Variants in SMAD6 observed in about 807,000 individuals in gnomAD.
SMAD6 encodes the protein MAD homolog 6.
In SMAD6, 103 loss-of-function variants were observed where a neutral mutation model predicts 39.4. The observed-to-expected ratio is 2.62, with a 90% CI of 2.23 to 3.08. The LOEUF is 3.08. Among genes scored for constraint, SMAD6 ranks in the 30% most tolerant of loss-of-function variants. The pLI is 0.00. For synonymous variants in SMAD6, 445 were observed against 353.3 expected, an observed-to-expected ratio of 1.26 and a Z score of -2.91; for missense variants, 1,104 against 742.9, an observed-to-expected ratio of 1.49 and a Z score of -5.65.
At chr15:66,751,046 A>G (rs1893996528) in intron 3 of SMAD6, among the ~76,000 whole-genome samples, 1 of 152,332 alleles carries the variant, frequency 6.6e-6, no homozygotes, top group South Asian at 2.1e-4. Flanking sequence ...CTCCTAGAGC[A>G]GTAGTTTGTT....
intron 2 of SMAD6, 58 bp from the exon 3 acceptor site, chr15:66,716,363 G>GAA: frequency 8.0e-7 from 1 of 1,254,896 alleles, no homozygotes; most frequent in South Asian, 1.2e-5. Context: ...TGAGAAAGAA[G>GAA]AAAAAAGAGA....
chr15:66,780,229 C>A (rs566003116), intron 3 of SMAD6, among the ~76,000 whole-genome samples: 2 of 152,222 alleles, frequency 1.3e-5, no homozygotes, highest in South Asian at 4.1e-4. Context: ...GCATTTCCTG[C>A]CAAGAAAGCC....
chr15:66,758,680 A>G (rs1894145152), intron 3 of SMAD6, among the ~76,000 whole-genome samples: 1 of 151,844 alleles, frequency 6.6e-6, no homozygotes, highest in African/African-American at 2.4e-5. Context: ...GTGAGCTGAG[A>G]TCGTGCCGTT....
chr15:66,726,144 C>G (rs990631257), intron 3 of SMAD6, among the ~76,000 whole-genome samples: 1 of 152,182 alleles, frequency 6.6e-6, no homozygotes, highest in African/African-American at 2.4e-5. Flanking sequence ...ACCTGCCCCC[C>G]ACCCTGGGAT....
intron 3 of SMAD6, among the ~76,000 whole-genome samples, chr15:66,763,168 A>G (rs1449652580): frequency 2.0e-5 from 3 of 152,110 alleles, no homozygotes; most frequent in Admixed American, 2.0e-4. Flanking sequence ...TGGAAGGTGG[A>G]GGGGAAAAGA....
intron 3 of SMAD6, among the ~76,000 whole-genome samples, chr15:66,756,593 C>T (rs988383789): frequency 6.6e-6 from 1 of 152,194 alleles, no homozygotes; most frequent in African/African-American, 2.4e-5. Context: ...ATTTGTTTTC[C>T]ATCGTTCTGT....
At chr15:66,740,656 G>A (rs1386536041) in intron 3 of SMAD6, 2 of 152,134 alleles carry the variant, frequency 1.3e-5, no homozygotes, top group Non-Finnish European at 2.9e-5. Flanking sequence ...GGACATGTTG[G>A]GTGCTTGATA....
chr15:66,768,982 A>AGG (rs1894335775), intron 3 of SMAD6, among the ~76,000 whole-genome samples: 1 of 152,130 alleles, frequency 6.6e-6, no homozygotes. Flanking sequence ...GTCACAGAAG[A>AGG]GGGGTGTGTG....
intron 3 of SMAD6, among the ~76,000 whole-genome samples, chr15:66,724,846 C>T (rs1455461187): frequency 2.6e-5 from 4 of 151,996 alleles, no homozygotes; most frequent in Non-Finnish European, 5.9e-5. Context: ...GGCAGGGTGT[C>T]GGGTGCCTGT....
chr15:66,760,743 G>A (rs769078631), intron 3 of SMAD6, among the ~76,000 whole-genome samples: 8 of 152,170 alleles, frequency 5.3e-5, no homozygotes, highest in East Asian at 1.9e-4. Flanking sequence ...AGGGCCATCC[G>A]TGACGGCTCC....
chr15:66,729,906 C>T (rs1341268252), intron 3 of SMAD6, among the ~76,000 whole-genome samples: 1 of 152,202 alleles, frequency 6.6e-6, no homozygotes, highest in African/African-American at 2.4e-5. Context: ...GGGCCTGGGC[C>T]CGCAGAAGGG....
chr15:66,771,100 C>A (rs1894371749), intron 3 of SMAD6, among the ~76,000 whole-genome samples: 1 of 152,188 alleles, frequency 6.6e-6, no homozygotes, highest in African/African-American at 2.4e-5. Context: ...GGGAGACGAT[C>A]TCTTTGGCAT....
chr15:66,760,079 G>A (rs1017801236), intron 3 of SMAD6, among the ~76,000 whole-genome samples: 4 of 152,032 alleles, frequency 2.6e-5, no homozygotes, highest in East Asian at 1.9e-4. Context: ...CTGGAATGCC[G>A]CTTTTCCTCC....
chr15:66,757,687 A>G (rs1364194804), intron 3 of SMAD6, among the ~76,000 whole-genome samples: 1 of 152,208 alleles, frequency 6.6e-6, no homozygotes, highest in Non-Finnish European at 1.5e-5. Context: ...GCCCCCTGGC[A>G]GAGGCATGAG....
At chr15:66,765,133 C>T (rs943847058) in intron 3 of SMAD6, among the ~76,000 whole-genome samples, 1 of 152,230 alleles carries the variant, frequency 6.6e-6, no homozygotes, top group African/African-American at 2.4e-5. Flanking sequence ...CCTGTTATCC[C>T]CACTACCCCA....
chr15:66,774,981 C>T (rs1381276939), intron 3 of SMAD6, among the ~76,000 whole-genome samples: 1 of 152,104 alleles, frequency 6.6e-6, no homozygotes, highest in Non-Finnish European at 1.5e-5. Context: ...CTGCCTCAGC[C>T]TCCCGAATAG....
Position 66,703,705 on chromosome 15 carries a change from CCTGGA to C in SMAD6, c.448_452del (p.Leu150AlafsTer151). ...CCAGCGACCCCCTGGCCGGGGCGGCCCTGGAGCCGGCGGGCGGCGGGCGGAGTCGC... is the reference window on the plus strand; with the variant it reads ...CCAGCGACCCCCTGGCCGGGGCGGCCGCCGGCGGGCGGCGGGCGGAGTCGC... On this transcript the variant is annotated frameshift_variant, in exon 1 of 4. Transcript: ENST00000288840. LOFTEE classifies it high-confidence loss of function. The C allele has an allele frequency of 7.4e-7, 1 of 1,342,790 alleles. No homozygotes were observed. Among genetic ancestry groups the C allele is most frequent in the Non-Finnish European group, 9.7e-7 (1 of 1,033,786 alleles). 83.2% of individuals were successfully genotyped at this position (1,342,790 alleles called of 1,614,324 possible).
At chr15:66,769,491 C>T (rs1894345065) in intron 3 of SMAD6, among the ~76,000 whole-genome samples, 1 of 152,094 alleles carries the variant, frequency 6.6e-6, no homozygotes, top group Non-Finnish European at 1.5e-5. Flanking sequence ...ATGAAATTCA[C>T]ACTGGGTGGG....
intron 3 of SMAD6, among the ~76,000 whole-genome samples, chr15:66,750,592 C>T (rs78817063): frequency 1.3e-5 from 2 of 149,834 alleles, no homozygotes; most frequent in Non-Finnish European, 3.0e-5. Flanking sequence ...AGGAGCAGAC[C>T]TCGCACCAAA....
Sources: allele counts gnomAD v4.1 joint callset (sites outside exome capture counted in the v4.1 genomes callset), GRCh38; gene constraint gnomAD v4.1.1; transcripts MANE v1.5; gene names NCBI Gene and HGNC (gene_info 2026-07-23, HGNC 2026-07-21).